Variants in MCF2L observed in about 807,000 individuals in gnomAD.
MCF2L encodes guanine nucleotide exchange factor DBS.
A neutral mutation model predicts 153.4 loss-of-function variants in MCF2L; 97 were observed. That is an observed-to-expected ratio of 0.63 (90% CI 0.54 to 0.75). The LOEUF is 0.75. Among genes scored for constraint, MCF2L ranks in the 30% least tolerant of loss-of-function variants. MCF2L has a pLI of 0.00. For synonymous variants in MCF2L, 659 were observed against 632.2 expected (o/e 1.04, Z -0.64); for missense variants, 1,347 against 1,495.2 (o/e 0.90, Z 1.64).
In MCF2L at chr13:113,098,652, A is replaced by G. The variant is rs1337531943; in HGVS notation, c.*1793A>G. The G allele has an allele frequency of 4.6e-5, 7 of 152,294 alleles. No homozygotes were observed. The highest frequency in any genetic ancestry group is 1.3e-4 in the Admixed American group (2 of 15,290). The allele number at this position is 152,294 out of a possible 1,614,324, so 9.4% of individuals were successfully genotyped here. Reference sequence around the variant, plus strand: ...TGGTAAGTCATTGTTGGGACGGAAAAGAAGCCGGCAGTGGGCAGGGCCCAG... The same window carrying G: ...TGGTAAGTCATTGTTGGGACGGAAAGGAAGCCGGCAGTGGGCAGGGCCCAG... On this transcript the variant is annotated 3_prime_UTR_variant, in exon 30 of 30. Transcript: ENST00000535094.
At chr13:113,081,329 C>G (rs1243343526) in intron 16 of MCF2L, 50 bp downstream of exon 16, 1 of 1,515,566 alleles carries the variant, frequency 6.6e-7, no homozygotes, top group East Asian at 2.4e-5. Flanking sequence ...TCCCCTGGGC[C>G]AGCTGGTGGG....
rs112631632 is a variant in MCF2L at position 113,010,617 on chromosome 13, C to G, written c.80-4146C>G. ...GCAGGGGCAGGCCTGGCCACCCCCT[C>G]GTCGGCCCCACCTGCTGCCTCTGCC... On this transcript the variant is annotated intron_variant, in intron 1 of 29. Coordinates refer to ENST00000535094, the MANE Select transcript of MCF2L (RefSeq NM_001112732.3). Among the ~76,000 whole-genome samples the G allele has an allele frequency of 2.0e-3, 305 of 152,340 alleles. 2 individuals are homozygous for G. The highest frequency in any genetic ancestry group is 6.8e-3 in the African/African-American group (281 of 41,588).
At chr13:113,050,818 G>A (rs892645657) in intron 4 of MCF2L, among the ~76,000 whole-genome samples, 1 of 150,448 alleles carries the variant, frequency 6.6e-6, no homozygotes, top group African/African-American at 2.4e-5. Context: ...ACTCCAGGAG[G>A]ACTTCCCGGC....
At chr13:112,915,737 C>T (rs116578044) in intron 2 of MCF2L, among the ~76,000 whole-genome samples, 3 of 152,128 alleles carry the variant, frequency 2.0e-5, no homozygotes, top group African/African-American at 7.2e-5. Context: ...TGCTTCCCAT[C>T]TCGTCCCGAG....
chr13:113,010,115 A>G (rs1011055605), intron 1 of MCF2L: 2 of 94,914 alleles, frequency 2.1e-5, no homozygotes, highest in African/African-American at 8.2e-5. Context: ...CACCCCCCAT[A>G]CCCCCCCCAC....
At chr13:113,018,328 AAAGCGCTTCGCTTAACCCTG>A (rs1360778873) in intron 2 of MCF2L, among the ~76,000 whole-genome samples, 2 of 152,166 alleles carry the variant, frequency 1.3e-5, no homozygotes, top group Non-Finnish European at 2.9e-5. Context: ...ATCTGCCCCA[AAAGCGCTTCGCTTAACCCTG>A]AAGCTACGAG....
rs950600099 is a variant in MCF2L, at chr13:113,094,517, G to A, written c.2957G>A (p.Trp986Ter). 6.2e-6 allele frequency: 10 copies of A among 1,610,952 alleles called. No homozygotes were observed. The highest frequency in any genetic ancestry group is 7.6e-6 in the Non-Finnish European group (9 of 1,179,010). The part of the protein sequence containing the change: ...LTKPPEKGKG[W>*]SKTSHSLEAP... Reference sequence around the variant, plus strand: ...CACGGGTGTCTGTCTCTCTTAGGTTGGAGCAAAACGTCCCACTCACTGGAG... The same window carrying A: ...CACGGGTGTCTGTCTCTCTTAGGTTAGAGCAAAACGTCCCACTCACTGGAG... The change falls in exon 27 of 30, where the codon TGG becomes TAG. Residue 986 changes from tryptophan to a stop codon, truncating the protein, a stop_gained. Transcript: ENST00000535094. LOFTEE classifies it high-confidence loss of function.
At chr13:113,038,367 A>G (rs2086272380) in intron 3 of MCF2L, among the ~76,000 whole-genome samples, 1 of 151,526 alleles carries the variant, frequency 6.6e-6, no homozygotes, top group Non-Finnish European at 1.5e-5. Context: ...CGGGAGGCTG[A>G]GGCAGGAGAA....
intron 1 of MCF2L, chr13:112,985,135 C>T (rs1421157470): frequency 3.9e-5 from 11 of 284,374 alleles, no homozygotes; most frequent in Non-Finnish European, 7.8e-5. Flanking sequence ...TCAAGTTCCT[C>T]TCGGGCGGGC....
chr13:112,961,674 G>A (rs1023605041), intron 2 of MCF2L, among the ~76,000 whole-genome samples: 1 of 152,214 alleles, frequency 6.6e-6, no homozygotes, highest in Non-Finnish European at 1.5e-5. Context: ...CACACAGCTG[G>A]GCTGTTGAGG....
intron 2 of MCF2L, among the ~76,000 whole-genome samples, chr13:113,019,731 C>G (rs2084760018): frequency 6.6e-6 from 1 of 152,124 alleles, no homozygotes; most frequent in Admixed American, 6.5e-5. Context: ...GAGGTGAGGC[C>G]TTTGGGAGGA....
In MCF2L at chr13:113,031,373, C is replaced by T. The variant is rs939305068; in HGVS notation, c.278+6615C>T. ...AACTTAATGTAAACTGGGAAGCATT[C>T]GTCACAGAGATCCCAGGAGGGCGCC... On this transcript the variant is annotated intron_variant, in intron 3 of 29. Transcript: ENST00000535094. This position sits in a 1 kb window ranked among gnomAD's most constrained non-coding sequence, Gnocchi z 5.5. Among the ~76,000 whole-genome samples, 2 of 152,128 alleles carry T rather than the reference C, an allele frequency of 1.3e-5. No homozygotes were observed. Among genetic ancestry groups the T allele is most frequent in the African/African-American group, 2.4e-5 (1 of 41,408 alleles).
At chr13:113,063,665 G>A (rs577836360) in intron 5 of MCF2L, among the ~76,000 whole-genome samples, 13 of 152,240 alleles carry the variant, frequency 8.5e-5, no homozygotes, top group South Asian at 4.2e-4. Context: ...ATTAAATACC[G>A]TATCAGTCTA....
At chr13:113,083,296 A>G (rs2034325857) in intron 17 of MCF2L, among the ~76,000 whole-genome samples, 3 of 152,192 alleles carry the variant, frequency 2.0e-5, no homozygotes, top group South Asian at 4.1e-4. Context: ...AGTGCTTGGG[A>G]TGTTGTTCTG....
chr13:112,999,848 C>G (rs1438584141), intron 1 of MCF2L, among the ~76,000 whole-genome samples: 1 of 152,220 alleles, frequency 6.6e-6, no homozygotes, highest in African/African-American at 2.4e-5. Flanking sequence ...AAACATGCTT[C>G]GGACATTAGA....
At chr13:113,033,309 G>A (rs1416289916) in intron 3 of MCF2L, among the ~76,000 whole-genome samples, 2 of 103,866 alleles carry the variant, frequency 1.9e-5, no homozygotes, top group Non-Finnish European at 1.9e-5. Flanking sequence ...CCCGTGGCGT[G>A]AGTGGCCCCT....
rs765051788 is a variant in MCF2L at position 113,066,057 on chromosome 13, G to A, written c.768G>A (p.Arg256=). ...CATTCTCTCCACAGGAGGATTTGAG[G>A]CTGGCACTGAAAGAGGGGCACAGTG... ...EKKDKAKEDL[R]LALKEGHSVL... Residue 256 remains arginine (R), a synonymous_variant, in exon 8 of 30, where the codon AGG becomes AGA. Coordinates refer to ENST00000535094, the MANE Select transcript of MCF2L (RefSeq NM_001112732.3). 1 of 1,613,140 alleles carries A rather than the reference G, an allele frequency of 6.2e-7. No individual in the cohort carries two copies. Among genetic ancestry groups the A allele is most frequent in the South Asian group, 1.1e-5 (1 of 91,000 alleles).
At chr13:113,042,160 C>T (rs2086537801) in intron 3 of MCF2L, 1 of 152,174 alleles carries the variant, frequency 6.6e-6, no homozygotes, top group African/African-American at 2.4e-5. Flanking sequence ...CCACGCGCAC[C>T]CTGGGCCCGC....
At chr13:112,940,728 A>G (rs1268545012) in intron 2 of MCF2L, among the ~76,000 whole-genome samples, 1 of 152,252 alleles carries the variant, frequency 6.6e-6, no homozygotes, top group East Asian at 1.9e-4. Flanking sequence ...AAACATAAAT[A>G]TAGCTACAAA....
Sources: gnomAD v4.1 joint callset for allele counts (sites outside exome capture counted in the v4.1 genomes callset) on GRCh38, gnomAD v4.1.1 for gene constraint, Gnocchi (gnomAD v3.1) non-coding constraint, MANE v1.5 for transcripts, NCBI Gene and HGNC (gene_info 2026-07-23, HGNC 2026-07-21) for gene names.